Variants in UBASH3B observed in about 807,000 individuals in gnomAD.
UBASH3B encodes the protein ubiquitin associated and SH3 domain containing B, also known as ubiquitin-associated and SH3 domain-containing protein B.
In UBASH3B, 37 loss-of-function variants were observed where a neutral mutation model predicts 83.4. The observed-to-expected ratio is 0.44, with a 90% CI of 0.34 to 0.58. The LOEUF is 0.58. Ranked by LOEUF, UBASH3B falls within the 20% of genes least tolerant of loss-of-function variation. The pLI, the probability that UBASH3B is intolerant of heterozygous loss-of-function variation, is 0.01. For synonymous variants in UBASH3B, 304 were observed against 318.3 expected (o/e 0.96, Z 0.48); for missense variants, 657 against 827.2 (o/e 0.79, Z 2.52).
chr11:122,734,156 G>A (rs570329873), intron 1 of UBASH3B, among the ~76,000 whole-genome samples: 54 of 152,286 alleles, frequency 3.5e-4, no homozygotes, highest in African/African-American at 1.2e-3. Context: ...AAAGTGCTGG[G>A]ATTACAGGCT....
chr11:122,714,350 C>G (rs1350455521), intron 1 of UBASH3B, among the ~76,000 whole-genome samples: 1 of 152,236 alleles, frequency 6.6e-6, no homozygotes, highest in Non-Finnish European at 1.5e-5. Flanking sequence ...ATTCAATTCT[C>G]TCTAAATCGG....
At chr11:122,745,118 G>A (rs577207002) in intron 1 of UBASH3B, among the ~76,000 whole-genome samples, 2 of 152,260 alleles carry the variant, frequency 1.3e-5, no homozygotes, top group African/African-American at 4.8e-5. Flanking sequence ...GCTGCCTGAG[G>A]CCTTCCATCC....
intron 1 of UBASH3B, among the ~76,000 whole-genome samples, chr11:122,684,305 T>C (rs997992813): frequency 2.0e-5 from 3 of 152,164 alleles, no homozygotes. Flanking sequence ...TACTAGGTGC[T>C]AAGAAGTCAA....
At chr11:122,762,909 G>A (rs982003705) in intron 1 of UBASH3B, among the ~76,000 whole-genome samples, 1 of 152,184 alleles carries the variant, frequency 6.6e-6, no homozygotes, top group Non-Finnish European at 1.5e-5. Flanking sequence ...TAATGCACAG[G>A]CATATGTGCA....
At chr11:122,688,978 C>CGGGG (rs60342970) in intron 1 of UBASH3B, among the ~76,000 whole-genome samples, 1 of 135,544 alleles carries the variant, frequency 7.4e-6, no homozygotes, top group African/African-American at 3.2e-5. Flanking sequence ...GGCGGGGAGG[C>CGGGG]GGGGGGGGGG....
intron 6 of UBASH3B, 54 bp from the exon 7 acceptor site, chr11:122,794,648 G>A (rs1861121470): frequency 5.0e-6 from 8 of 1,610,786 alleles, no homozygotes; most frequent in Non-Finnish European, 6.8e-6. Context: ...CCAGGAGGAA[G>A]TGCTGATGAC....
intron 1 of UBASH3B, among the ~76,000 whole-genome samples, chr11:122,671,524 G>T (rs766318348): frequency 2.6e-5 from 4 of 152,194 alleles, no homozygotes; most frequent in East Asian, 1.9e-4. Flanking sequence ...TCCTCCAAAC[G>T]TAAGACCACA....
chr11:122,675,749 C>A (rs1010979218), intron 1 of UBASH3B, among the ~76,000 whole-genome samples: 2 of 152,122 alleles, frequency 1.3e-5, no homozygotes, highest in African/African-American at 4.8e-5. Context: ...AGGAGATAGA[C>A]GCATACACAG....
At chr11:122,727,821 G>C (rs1006732531) in intron 1 of UBASH3B, among the ~76,000 whole-genome samples, 1 of 152,118 alleles carries the variant, frequency 6.6e-6, no homozygotes, top group Non-Finnish European at 1.5e-5. Context: ...GTGAATTCAA[G>C]AAATCCTTGT....
chr11:122,757,269 G>A (rs536590029), intron 1 of UBASH3B, among the ~76,000 whole-genome samples: 4 of 152,082 alleles, frequency 2.6e-5, no homozygotes, highest in Admixed American at 6.6e-5. Flanking sequence ...CCTCATGAAC[G>A]GGATAGTCCC....
In UBASH3B at chr11:122,789,160, G is replaced by A. The variant is rs138863082; in HGVS notation, c.832G>A (p.Gly278Arg). The change falls in exon 6 of 14, where the codon GGG becomes AGG. Residue 278 changes from glycine to arginine, a missense_variant. Gly to Arg is a moderately radical substitution (Grantham distance 125). Transcript: ENST00000284273. The stretch of plus-strand genomic sequence containing the variant: ...TGACGATGAGCTGGAGCTGGTCCCC[G>A]GGGACTTCATCTTCATGTCTCCAAT... ...QNDDELELVP[G>R]DFIFMSPMEQ... is the part of the protein sequence containing the mutation. 22 of 1,613,952 alleles carry A rather than the reference G, an allele frequency of 1.4e-5. No individual in the cohort carries two copies. Among genetic ancestry groups the A allele is most frequent in the East Asian group, 6.7e-5 (3 of 44,884 alleles).
chr11:122,717,624 A>T lies in UBASH3B; in HGVS notation c.162-58595A>T, dbSNP rs150573702. Among the ~76,000 whole-genome samples, 6 of 152,310 alleles carry T rather than the reference A, an allele frequency of 3.9e-5. No individual in the cohort carries two copies. In the East Asian group the frequency reaches 1.2e-3, roughly 29 times the overall value. ...GTACCCTGTGTTCAGCAAAGTGGGG[A>T]AACAGCCCCTTAGAAAGTGTGTATT... On this transcript the variant is annotated intron_variant, in intron 1 of 13. Coordinates refer to ENST00000284273, the MANE Select transcript of UBASH3B (RefSeq NM_032873.5).
intron 1 of UBASH3B, among the ~76,000 whole-genome samples, chr11:122,768,574 C>T (rs917766858): frequency 4.0e-5 from 6 of 151,588 alleles, no homozygotes; most frequent in African/African-American, 1.5e-4. Flanking sequence ...GGCACAATCT[C>T]GGCTTGCTGC....
Position 122,806,361 on chromosome 11 carries a change from T to C in UBASH3B, c.1596-49T>C. ...AAGTTTAGAGTGATATCTTCCTTTG[T>C]CTCAAGATCAAAATGTTTTCATTTC... On this transcript the variant is annotated intron_variant, in intron 11 of 13. Coordinates refer to ENST00000284273, the MANE Select transcript of UBASH3B (RefSeq NM_032873.5). The surrounding 1 kb of genome is among the most constrained non-coding windows in gnomAD (Gnocchi z 4.0). 1 of 1,479,386 alleles carries C rather than the reference T, an allele frequency of 6.8e-7. No individual in the cohort carries two copies. Among genetic ancestry groups the C allele is most frequent in the Non-Finnish European group, 9.3e-7 (1 of 1,080,132 alleles). The allele number at this position is 1,479,386 out of a possible 1,614,324, so 91.6% of individuals were successfully genotyped here.
intron 11 of UBASH3B, among the ~76,000 whole-genome samples, chr11:122,803,737 G>A (rs1565572974): frequency 6.6e-6 from 1 of 152,138 alleles, no homozygotes; most frequent in Non-Finnish European, 1.5e-5. Flanking sequence ...TCAAAGCAGA[G>A]GCCTGTGCTT....
At chr11:122,681,116 TTG>T (rs1249703897) in intron 1 of UBASH3B, among the ~76,000 whole-genome samples, 1 of 152,258 alleles carries the variant, frequency 6.6e-6, no homozygotes, top group Non-Finnish European at 1.5e-5. Context: ...TTATTCGTAT[TTG>T]TTTTTGTTGA....
intron 1 of UBASH3B, among the ~76,000 whole-genome samples, chr11:122,721,325 T>C (rs980624207): frequency 6.6e-6 from 1 of 151,904 alleles, no homozygotes; most frequent in Non-Finnish European, 1.5e-5. Flanking sequence ...AGCCAAGCTC[T>C]TTATGGAATT....
chr11:122,784,851 C>A (rs776375221), intron 5 of UBASH3B, among the ~76,000 whole-genome samples: 2 of 152,086 alleles, frequency 1.3e-5, no homozygotes, highest in Non-Finnish European at 2.9e-5. Flanking sequence ...TCATTTGATG[C>A]AGGTTTCTGT....
intron 1 of UBASH3B, among the ~76,000 whole-genome samples, chr11:122,659,043 A>G (rs1863399471): frequency 6.6e-6 from 1 of 151,958 alleles, no homozygotes. Context: ...CAATCCAATC[A>G]CTGCGTTTGT....
Sources: gnomAD v4.1 joint callset for allele counts (sites outside exome capture counted in the v4.1 genomes callset) on GRCh38, gnomAD v4.1.1 for gene constraint, Gnocchi (gnomAD v3.1) non-coding constraint, MANE v1.5 for transcripts, NCBI Gene and HGNC (gene_info 2026-07-23, HGNC 2026-07-21) for gene names.